The following DTNB variants were observed in gnomAD, a reference collection of about 807,000 sequenced individuals.
The protein encoded by DTNB is dystrobrevin beta.
A neutral mutation model predicts 90.7 loss-of-function variants in DTNB; 63 were observed. The observed-to-expected ratio is 0.69, with a 90% CI of 0.57 to 0.86. The LOEUF (loss-of-function observed/expected upper bound fraction) is 0.86. DTNB is among the 40% of genes least tolerant of loss of function. The probability of loss-of-function intolerance (pLI) is 0.00; values close to 1 mark genes in which losing one functional copy is unlikely to be tolerated. For synonymous variants in DTNB, 277 were observed against 286.7 expected, an observed-to-expected ratio of 0.97 and a Z score of 0.34; for missense variants, 744 against 807.1, an observed-to-expected ratio of 0.92 and a Z score of 0.95.
intron 19 of DTNB, among the ~76,000 whole-genome samples, chr2:25,382,940 T>A (rs1274274412): frequency 6.6e-6 from 1 of 152,146 alleles, no homozygotes. Context: ...TTAGATGAGA[T>A]CATCATACGT....
intron 8 of DTNB, among the ~76,000 whole-genome samples, chr2:25,535,303 G>A (rs1314373781): frequency 6.9e-6 from 1 of 145,220 alleles, no homozygotes; most frequent in Non-Finnish European, 1.5e-5. Flanking sequence ...TCCCAGACGG[G>A]GGTGGCCAGG....
At chr2:25,398,081 T>C (rs1240794288) in intron 16 of DTNB, among the ~76,000 whole-genome samples, 3 of 152,138 alleles carry the variant, frequency 2.0e-5, no homozygotes, top group South Asian at 2.1e-4. Context: ...CATAACAGCA[T>C]GACACTGAAC....
intron 8 of DTNB, among the ~76,000 whole-genome samples, chr2:25,547,435 T>C (rs1306211203): frequency 6.6e-6 from 1 of 151,546 alleles, no homozygotes; most frequent in Non-Finnish European, 1.5e-5. Context: ...GGAATTCTCC[T>C]GCCTCAGCCT....
chr2:25,485,658 G>A (rs945663510), intron 9 of DTNB, among the ~76,000 whole-genome samples: 3 of 152,090 alleles, frequency 2.0e-5, no homozygotes, highest in African/African-American at 7.2e-5. Context: ...GTATATGTCT[G>A]CAGTTTAAAA....
chr2:25,443,062 G>T (rs1379038049), intron 12 of DTNB, among the ~76,000 whole-genome samples: 1 of 152,116 alleles, frequency 6.6e-6, no homozygotes, highest in South Asian at 2.1e-4. Flanking sequence ...GGAGACAAAA[G>T]GTGAGAGATC....
intron 10 of DTNB, among the ~76,000 whole-genome samples, chr2:25,455,723 C>T (rs987132386): frequency 2.0e-5 from 3 of 152,218 alleles, no homozygotes; most frequent in Non-Finnish European, 4.4e-5. Flanking sequence ...GTGGCGCTGG[C>T]CCACTGACAT....
chr2:25,623,940 A>C (rs2073472461), intron 4 of DTNB, among the ~76,000 whole-genome samples: 1 of 152,090 alleles, frequency 6.6e-6, no homozygotes, highest in Non-Finnish European at 1.5e-5. Context: ...TTTAACCAGA[A>C]AGACTGGTTA....
At chr2:25,571,176 C>G (rs1012283908) in intron 8 of DTNB, among the ~76,000 whole-genome samples, 3 of 152,180 alleles carry the variant, frequency 2.0e-5, no homozygotes, top group African/African-American at 7.2e-5. Flanking sequence ...CTGATGTATA[C>G]AACATATTGT....
chr2:25,648,468 G>A (rs1166090299), intron 2 of DTNB, among the ~76,000 whole-genome samples: 1 of 151,930 alleles, frequency 6.6e-6, no homozygotes, highest in Admixed American at 6.6e-5. Context: ...GGTAACACAA[G>A]GTTGAAAAAT....
intron 10 of DTNB, among the ~76,000 whole-genome samples, chr2:25,456,867 C>T (rs1188881487): frequency 6.6e-6 from 1 of 151,952 alleles, no homozygotes; most frequent in Non-Finnish European, 1.5e-5. Flanking sequence ...TGCGCCCGGC[C>T]CCAGTCACCT....
In DTNB at chr2:25,515,797, G is replaced by A. The variant is rs1189959265; in HGVS notation, c.1001+15676C>T. ...TCACCATGTTGGCCAGGCTGGTCTC[G>A]AACTCCTGACCTCAGCTGATCCACC... On this transcript the variant is annotated intron_variant, in intron 9 of 20. Coordinates refer to ENST00000406818, the MANE Select transcript of DTNB (RefSeq NM_021907.5). Among the ~76,000 whole-genome samples the A allele has an allele frequency of 2.6e-5, 4 of 151,668 alleles. No individual in the cohort carries two copies. The South Asian group carries it at 8.4e-4, about 32-fold the overall frequency.
chr2:25,577,931 C>T (rs1572857293), intron 7 of DTNB, among the ~76,000 whole-genome samples: 1 of 152,018 alleles, frequency 6.6e-6, no homozygotes, highest in Non-Finnish European at 1.5e-5. Context: ...ACCTGGGAGG[C>T]GGAGGTTGCA....
chr2:25,668,328 C>T (rs2084992687), intron 1 of DTNB, among the ~76,000 whole-genome samples: 1 of 152,190 alleles, frequency 6.6e-6, no homozygotes, highest in Non-Finnish European at 1.5e-5. Flanking sequence ...GCAAAAGAAG[C>T]CAATCTGAGT....
At chr2:25,585,861 T>C (rs1236729998) in intron 6 of DTNB, among the ~76,000 whole-genome samples, 1 of 152,162 alleles carries the variant, frequency 6.6e-6, no homozygotes, top group Admixed American at 6.5e-5. Context: ...AGTTACAGAG[T>C]TGTTGTAACT....
intron 19 of DTNB, among the ~76,000 whole-genome samples, chr2:25,382,219 T>C (rs2038009138): frequency 6.6e-6 from 1 of 152,214 alleles, no homozygotes; most frequent in African/African-American, 2.4e-5. Context: ...GCCATTGCAT[T>C]TCTCTCCCCG....
intron 9 of DTNB, among the ~76,000 whole-genome samples, chr2:25,488,311 G>A (rs1290221088): frequency 6.6e-6 from 1 of 152,124 alleles, no homozygotes; most frequent in Admixed American, 6.5e-5. Context: ...AAGTACGCAG[G>A]GTTAGGGAAT....
chr2:25,573,648 G>C (rs1189310991), intron 8 of DTNB, among the ~76,000 whole-genome samples: 1 of 152,132 alleles, frequency 6.6e-6, no homozygotes, highest in East Asian at 1.9e-4. Context: ...ACTTGACCTA[G>C]AGCCCGGTGG....
intron 9 of DTNB, among the ~76,000 whole-genome samples, chr2:25,514,814 G>A (rs1377683702): frequency 6.7e-6 from 1 of 150,114 alleles, no homozygotes; most frequent in African/African-American, 2.5e-5. Context: ...CTCCTGAGTA[G>A]CTGGGATTGC....
At chr2:25,466,761 C>T (rs891556071) in intron 10 of DTNB, among the ~76,000 whole-genome samples, 16 of 152,262 alleles carry the variant, frequency 1.1e-4, no homozygotes, top group South Asian at 2.1e-4. Flanking sequence ...ATATATGTAA[C>T]GTAGGTGAAA....
Sources: gnomAD v4.1 joint callset for allele counts (sites outside exome capture counted in the v4.1 genomes callset) on GRCh38, gnomAD v4.1.1 for gene constraint, MANE v1.5 for transcripts, NCBI Gene and HGNC (gene_info 2026-07-23, HGNC 2026-07-21) for gene names.